ARMC9: variants seen among roughly 807,000 people sequenced by gnomAD.
ARMC9 encodes lisH domain-containing protein ARMC9.
Under a neutral mutation model 107.0 loss-of-function variants are expected in ARMC9, and 94 were observed. The observed-to-expected ratio is 0.88, with a 90% CI of 0.74 to 1.04. The LOEUF is 1.04. Among genes scored for constraint, ARMC9 ranks in the 50% least tolerant of loss-of-function variants. ARMC9 has a pLI of 0.00. For missense variants in ARMC9, 942 were observed against 1,030.1 expected (o/e 0.91, Z 1.17); for synonymous variants, 380 against 396.9 (o/e 0.96, Z 0.51).
chr2:231,256,137 T>A (rs925532753), intron 9 of ARMC9: 2 of 1,543,700 alleles, frequency 1.3e-6, no homozygotes, highest in African/African-American at 1.4e-5. Context: ...CTGGCCAGGG[T>A]CACCAAGGTC....
intron 19 of ARMC9, among the ~76,000 whole-genome samples, chr2:231,305,243 G>C (rs1330644063): frequency 2.0e-5 from 3 of 152,304 alleles, no homozygotes; most frequent in Admixed American, 6.5e-5. Flanking sequence ...ACTGCTACTA[G>C]AGTTTGAGAT....
chr2:231,260,447 T>C (rs1288037869), intron 11 of ARMC9, among the ~76,000 whole-genome samples: 1 of 152,200 alleles, frequency 6.6e-6, no homozygotes, highest in Non-Finnish European at 1.5e-5. Flanking sequence ...GACACCTTCA[T>C]GGACACCCAA....
chr2:231,276,872 C>A, intron 15 of ARMC9, 97 bp downstream of exon 15: 1 of 1,474,800 alleles, frequency 6.8e-7, no homozygotes, highest in Non-Finnish European at 9.1e-7. Context: ...TGCTTTTAGT[C>A]TCATAGAAAA....
intron 21 of ARMC9, among the ~76,000 whole-genome samples, chr2:231,349,523 T>G (rs1419249213): frequency 2.0e-5 from 3 of 152,174 alleles, no homozygotes. Context: ...GGCTCATGCC[T>G]GTAATCTCAA....
At chr2:231,301,146 T>G (rs948613851) in intron 19 of ARMC9, among the ~76,000 whole-genome samples, 2 of 152,228 alleles carry the variant, frequency 1.3e-5, no homozygotes, top group African/African-American at 4.8e-5. Context: ...AACATAGAGA[T>G]AGAAATACAC....
At chr2:231,241,304 C>T (rs146934649) in intron 9 of ARMC9, among the ~76,000 whole-genome samples, 1 of 152,158 alleles carries the variant, frequency 6.6e-6, no homozygotes, top group African/African-American at 2.4e-5. Flanking sequence ...AATACGACGT[C>T]GGTGATCGTG....
At chr2:231,337,414 A>T (rs974935421) in intron 20 of ARMC9, among the ~76,000 whole-genome samples, 1 of 143,280 alleles carries the variant, frequency 7.0e-6, no homozygotes, top group African/African-American at 2.6e-5. Flanking sequence ...CTCCTGCCTC[A>T]GCCTCCTGAG....
At chr2:231,307,844 A>C (rs2042119542) in intron 19 of ARMC9, among the ~76,000 whole-genome samples, 1 of 152,260 alleles carries the variant, frequency 6.6e-6, no homozygotes, top group Non-Finnish European at 1.5e-5. Context: ...AGGAACTTTT[A>C]TTAAAAACTA....
intron 5 of ARMC9, among the ~76,000 whole-genome samples, chr2:231,218,106 A>G (rs1451796919): frequency 1.3e-5 from 2 of 152,222 alleles, no homozygotes; most frequent in Non-Finnish European, 2.9e-5. Context: ...TTCAGTTGTA[A>G]TTCTGTAAAA....
intron 8 of ARMC9, among the ~76,000 whole-genome samples, chr2:231,237,478 A>C (rs191705419): frequency 4.2e-4 from 64 of 152,048 alleles, no homozygotes; most frequent in Middle Eastern, 3.4e-3. Flanking sequence ...CATCTTGATA[A>C]AATTCTAAAA....
In ARMC9 at chr2:231,360,943, C is replaced by T; in HGVS notation, c.2261+60C>T. The T allele has an allele frequency of 6.8e-7, 1 of 1,460,540 alleles. No homozygotes were observed. The highest frequency in any genetic ancestry group is 9.0e-7 in the Non-Finnish European group (1 of 1,112,706). 90.5% of individuals were successfully genotyped at this position (1,460,540 alleles called of 1,614,324 possible). A position where few individuals can be genotyped will look rare whatever the true frequency, so the allele number is the denominator to read the frequency against. On this transcript the variant is annotated intron_variant, in intron 23 of 24. Transcript: ENST00000611582. This position sits in a 1 kb window ranked among gnomAD's most constrained non-coding sequence, Gnocchi z 4.7. ...CTCGGAGCTCTGGGAGTGGGCGCCC[C>T]ACGCCGGATGCAGAGCACCCAGGAG...
chr2:231,292,605 A>G (rs993376874), intron 18 of ARMC9, among the ~76,000 whole-genome samples: 7 of 152,168 alleles, frequency 4.6e-5, no homozygotes, highest in African/African-American at 1.7e-4. Flanking sequence ...TGGTAGGGAA[A>G]GCTCTTCGGC....
intron 18 of ARMC9, among the ~76,000 whole-genome samples, chr2:231,293,044 A>G (rs2041128311): frequency 6.6e-6 from 1 of 152,170 alleles, no homozygotes; most frequent in African/African-American, 2.4e-5. Context: ...GGGGCTCCCG[A>G]TCAAAAGGAG....
chr2:231,230,210 A>G (rs566406571), intron 7 of ARMC9, among the ~76,000 whole-genome samples: 1 of 152,204 alleles, frequency 6.6e-6, no homozygotes, highest in South Asian at 2.1e-4. Context: ...AAAACTAAAA[A>G]AAATTAACCG....
chr2:231,307,772 A>G (rs1403024924), intron 19 of ARMC9, among the ~76,000 whole-genome samples: 1 of 152,264 alleles, frequency 6.6e-6, no homozygotes, highest in Non-Finnish European at 1.5e-5. Context: ...GCATCTGGCC[A>G]TAACGTTGAC....
intron 20 of ARMC9, among the ~76,000 whole-genome samples, chr2:231,336,801 G>A (rs2044120472): frequency 6.6e-6 from 1 of 152,232 alleles, no homozygotes; most frequent in Non-Finnish European, 1.5e-5. Context: ...AAGTGGTTCT[G>A]AAGCAGGAGT....
At chr2:231,287,055 G>T (rs1463126959) in intron 17 of ARMC9, among the ~76,000 whole-genome samples, 1 of 152,192 alleles carries the variant, frequency 6.6e-6, no homozygotes, top group African/African-American at 2.4e-5. Flanking sequence ...CCCAGGGCTG[G>T]AGCCGATCAG....
In ARMC9 at chr2:231,360,176, G is replaced by A. The variant is rs62198970; in HGVS notation, c.2132-578G>A. 3.9e-5 allele frequency among the ~76,000 whole-genome samples: 6 copies of A among 152,070 alleles called. No individual in the cohort carries two copies. Among genetic ancestry groups the A allele is most frequent in the South Asian group, 2.1e-4 (1 of 4,808 alleles). ...TCTGGGATTCTCCGTCTGCTTCCCCGTGAAGGGCTCCTGCGTGTCCCGGGT... is the reference window on the plus strand; with the variant it reads ...TCTGGGATTCTCCGTCTGCTTCCCCATGAAGGGCTCCTGCGTGTCCCGGGT... On this transcript the variant is annotated intron_variant, in intron 22 of 24. Transcript: ENST00000611582. This position sits in a 1 kb window ranked among gnomAD's most constrained non-coding sequence, Gnocchi z 4.7.
Position 231,255,062 on chromosome 2 carries a change from C to CT in ARMC9, c.880-1519dup, listed in dbSNP as rs1367622092. Among the ~76,000 whole-genome samples the CT allele has an allele frequency of 6.6e-6, 1 of 152,092 alleles. No homozygotes were observed. The highest frequency in any genetic ancestry group is 2.4e-5 in the African/African-American group (1 of 41,392). On this transcript the variant is annotated intron_variant, in intron 9 of 24. Coordinates refer to ENST00000611582, the MANE Select transcript of ARMC9 (RefSeq NM_001352754.2). The surrounding 1 kb of genome is among the most constrained non-coding windows in gnomAD (Gnocchi z 4.7). ...GATTTTCCTTATTTTCTCAAAATAT[C>CT]TTTTTACAGTTGGTTTATTTGAGTC...
Sources: gnomAD v4.1 joint callset for allele counts (sites outside exome capture counted in the v4.1 genomes callset) on GRCh38, gnomAD v4.1.1 for gene constraint, Gnocchi (gnomAD v3.1) non-coding constraint, MANE v1.5 for transcripts, NCBI Gene and HGNC (gene_info 2026-07-23, HGNC 2026-07-21) for gene names.